Variants in SLC44A2 observed in about 807,000 individuals in gnomAD.
The protein encoded by SLC44A2 is solute carrier family 44 member 2 (CTL2 blood group).
SLC44A2 carries 57 observed loss-of-function variants against 90.8 expected under a neutral mutation model. The observed-to-expected ratio is 0.63, with a 90% CI of 0.51 to 0.78. The LOEUF is 0.78. Among genes scored for constraint, SLC44A2 ranks in the 30% least tolerant of loss-of-function variants. The pLI, the probability that SLC44A2 is intolerant of heterozygous loss-of-function variation, is 0.00. For synonymous variants in SLC44A2, 355 were observed against 360.7 expected (o/e 0.98, Z 0.18); for missense variants, 794 against 919.7 (o/e 0.86, Z 1.77).
At chr19:10,630,584 C>T (rs1156621993) in intron 4 of SLC44A2, among the ~76,000 whole-genome samples, 2 of 150,770 alleles carry the variant, frequency 1.3e-5, no homozygotes, top group Non-Finnish European at 3.0e-5. Context: ...TTGCTTGAAC[C>T]CAGGAGGCGG....
At chr19:10,635,940 G>A (rs2067049822) in intron 14 of SLC44A2, 1 of 258,428 alleles carries the variant, frequency 3.9e-6, no homozygotes, top group African/African-American at 2.3e-5. Context: ...CAGCACACCA[G>A]GCTAATTTTT....
chr19:10,643,521 C>A lies in SLC44A2; in HGVS notation c.*136C>A. ...GCCCCTCCCCATGAGCCAGATCCCA[C>A]CAGTTTCTGGACGTGGAGAGTCTGG... On this transcript the variant is annotated 3_prime_UTR_variant, in exon 22 of 22. Coordinates refer to ENST00000335757, the MANE Select transcript of SLC44A2 (RefSeq NM_020428.4). The A allele has an allele frequency of 9.4e-7, 1 of 1,058,934 alleles. No homozygotes were observed. The highest frequency in any genetic ancestry group is 1.3e-6 in the Non-Finnish European group (1 of 758,014). 65.6% of individuals were successfully genotyped at this position (1,058,934 alleles called of 1,614,324 possible). A position where few individuals can be genotyped will look rare whatever the true frequency, so the allele number is the denominator to read the frequency against.
chr19:10,632,977 C>A (rs1411771071), intron 10 of SLC44A2, among the ~76,000 whole-genome samples: 2 of 151,296 alleles, frequency 1.3e-5, no homozygotes, highest in East Asian at 3.9e-4. Flanking sequence ...CGGACTGCTT[C>A]AATTTATTTC....
intron 21 of SLC44A2, chr19:10,642,838 CTTT>C (rs754463626): frequency 3.6e-5 from 54 of 1,513,652 alleles, no homozygotes; most frequent in Non-Finnish European, 4.7e-5. Flanking sequence ...CTGCCTCCCT[CTTT>C]CCCTCCCTTC....
At position 10,627,970 on chromosome 19, in the gene SLC44A2, G is replaced by A. The variant is rs1479825587; in HGVS notation, c.211G>A (p.Gly71Ser). The A allele has an allele frequency of 2.5e-6, 4 of 1,613,898 alleles. No individual in the cohort carries two copies. The highest frequency in any genetic ancestry group is 3.4e-6 in the Non-Finnish European group (4 of 1,179,920). Residue 71 changes from glycine (G) to serine (S), a missense_variant, in exon 4 of 22, where the codon GGC becomes AGC. Physicochemically the swap from Gly to Ser is moderately conservative, Grantham distance 56. Transcript: ENST00000335757. ...GGTGATCTACCCCACTGACAGCCGGGGCGAGTTCTGCGGGCAGAAGGGCAC... is the reference window on the plus strand; with the variant it reads ...GGTGATCTACCCCACTGACAGCCGGAGCGAGTTCTGCGGGCAGAAGGGCAC... ...RKVIYPTDSR[G>S]EFCGQKGTKN...
intron 20 of SLC44A2, among the ~76,000 whole-genome samples, chr19:10,638,931 C>T (rs577109203): frequency 6.6e-6 from 1 of 152,238 alleles, no homozygotes; most frequent in Admixed American, 6.5e-5. Context: ...TCCCGAGTAG[C>T]TGAGATTACA....
rs1330257805 is a variant in SLC44A2 at position 10,631,661 on chromosome 19, A to C, written c.538A>C (p.Lys180Gln). The change falls in exon 8 of 22, where the codon AAG (lysine) becomes CAG (glutamine). Residue 180 changes from lysine (K) to glutamine (Q), a missense_variant. Physicochemically the swap from Lys to Gln is moderately conservative, Grantham distance 53. Around this residue, in one of 3 missense-constraint regions of SLC44A2, gnomAD observed 738 missense variants for 841.1 expected, o/e 0.88. Transcript: ENST00000335757. ...RRCFPAIHAY[K>Q]GVLMVGNETT... ...ATGCTTCCCCGCTATCCACGCCTAC[A>C]AGGGTGTCCTGATGGTGGGCAATGA... 1.2e-6 allele frequency: 2 copies of C among 1,613,642 alleles called. No homozygotes were observed. The highest frequency in any genetic ancestry group is 1.7e-5 in the Admixed American group (1 of 60,022).
chr19:10,640,256 A>G (rs766514743), intron 20 of SLC44A2, among the ~76,000 whole-genome samples: 2 of 151,836 alleles, frequency 1.3e-5, no homozygotes, highest in Non-Finnish European at 2.9e-5. Flanking sequence ...GTGCCCGGCT[A>G]ATTTTTGTAT....
chr19:10,631,116 T>C lies in SLC44A2; in HGVS notation c.305T>C (p.Leu102Pro). The change falls in exon 5 of 22, where the codon CTG (leucine) becomes CCG (proline). Residue 102 changes from leucine to proline, a missense_variant. This residue lies in a region of SLC44A2 where 738 missense variants were observed against 841.1 expected (regional missense o/e 0.88). Coordinates refer to ENST00000335757, the MANE Select transcript of SLC44A2 (RefSeq NM_020428.4). ...AAATGTGCCAGCCCCCTGGTTCTGC[T>C]GGAATTCCAATGTCCCACTCCCCAG... is the stretch of plus-strand genomic sequence containing the variant. The part of the protein sequence containing the change: ...IVKCASPLVL[L>P]EFQCPTPQIC... 2 of 1,614,078 alleles carry C rather than the reference T, an allele frequency of 1.2e-6. No homozygotes were observed. The highest frequency in any genetic ancestry group is 1.7e-6 in the Non-Finnish European group (2 of 1,180,014).
rs1406434263 is a variant in SLC44A2, at chr19:10,633,973, A to ATTTTT, written c.824-772_824-768dup. 3.7e-5 allele frequency among the ~76,000 whole-genome samples: 4 copies of ATTTTT among 107,924 alleles called. 1 individual carries two copies. The highest frequency in any genetic ancestry group is 7.6e-5 in the African/African-American group (2 of 26,172). The allele number at this position is 107,924 out of a possible 152,430, so 70.8% of individuals were successfully genotyped here. On this transcript the variant is annotated intron_variant, in intron 10 of 21. Transcript: ENST00000335757. ...ACCAACATGTAGAAACCCCATCTCT[A>ATTTTT]TTTTTTTTTTTTTTTGAGACAGAGT...
chr19:10,625,067 G>C (rs79540041), upstream of SLC44A2, among the ~76,000 whole-genome samples: 276 of 152,116 alleles, frequency 1.8e-3, 2 homozygotes, highest in African/African-American at 5.7e-3. Flanking sequence ...CAGGGAGGTC[G>C]AGACTGCGAT....
At chr19:10,629,047 CA>C (rs979332517) in intron 4 of SLC44A2, among the ~76,000 whole-genome samples, 21 of 151,534 alleles carry the variant, frequency 1.4e-4, no homozygotes, top group Non-Finnish European at 2.8e-4. Context: ...ACTAAAAATA[CA>C]AAAAAATTAG....
upstream of SLC44A2, among the ~76,000 whole-genome samples, chr19:10,624,944 G>C (rs138016722): frequency 5.9e-5 from 9 of 152,242 alleles, no homozygotes; most frequent in African/African-American, 2.2e-4. Context: ...AGATGAGCCT[G>C]GGCAACATAG....
chr19:10,636,402 ACCACCGGGC>A lies in SLC44A2; in HGVS notation c.1316_1324del (p.His439_Ala441del), dbSNP rs1436291625. The A allele has an allele frequency of 6.2e-7, 1 of 1,613,576 alleles. No individual in the cohort carries two copies. The highest frequency in any genetic ancestry group is 8.5e-7 in the Non-Finnish European group (1 of 1,179,942). ...GCCTTCTACGGTGGTGAGTCGGGCT[ACCACCGGGC>A]CCTGCTGGGCCTGCAGATCTTCAAT... On this transcript the variant is annotated inframe_deletion, in exon 15 of 22. Coordinates refer to ENST00000335757, the MANE Select transcript of SLC44A2 (RefSeq NM_020428.4).
At chr19:10,615,275 TA>T (rs199540891) in intron 1 of SLC44A2, among the ~76,000 whole-genome samples, 121 of 142,944 alleles carry the variant, frequency 8.5e-4, no homozygotes, top group African/African-American at 1.3e-3. Flanking sequence ...CTACCAAAAA[TA>T]AAAAAAAAAA....
chr19:10,642,733 G>A (rs1599262884), intron 21 of SLC44A2, among the ~76,000 whole-genome samples: 1 of 152,288 alleles, frequency 6.6e-6, no homozygotes, highest in East Asian at 1.9e-4. Context: ...GGGATCTGTG[G>A]CTGCCACTAA....
At chr19:10,607,825 A>G (rs1918157012) in intron 1 of SLC44A2, among the ~76,000 whole-genome samples, 1 of 148,606 alleles carries the variant, frequency 6.7e-6, no homozygotes. Flanking sequence ...GGCTCACTGC[A>G]AGCACCGCCT....
chr19:10,642,779 TTTC>T, intron 21 of SLC44A2: 2 of 1,288,166 alleles, frequency 1.6e-6, no homozygotes, highest in South Asian at 3.0e-5. Flanking sequence ...TGTTTGTTTT[TTTC>T]TTCTCTCTTC....
At chr19:10,607,839 G>C in intron 1 of SLC44A2, among the ~76,000 whole-genome samples, 1 of 148,914 alleles carries the variant, frequency 6.7e-6, no homozygotes, top group Middle Eastern at 3.4e-3. Flanking sequence ...ACCGCCTCCC[G>C]GGTTCATGCC....
Sources: gnomAD v4.1 joint callset for allele counts (sites outside exome capture counted in the v4.1 genomes callset) on GRCh38, gnomAD v4.1.1 for gene constraint, gnomAD v4.1.1 regional missense constraint, MANE v1.5 for transcripts, NCBI Gene and HGNC (gene_info 2026-07-23, HGNC 2026-07-21) for gene names.